GFOD1: variants seen among roughly 807,000 people sequenced by gnomAD.
The protein encoded by GFOD1 is glucose-fructose oxidoreductase domain-containing protein 1.
A neutral mutation model predicts 25.4 loss-of-function variants in GFOD1; 9 were observed. That is an observed-to-expected ratio of 0.35 (90% CI 0.21 to 0.62). The LOEUF (loss-of-function observed/expected upper bound fraction) is 0.62. GFOD1 is among the 20% of genes least tolerant of loss of function. GFOD1 has a pLI of 0.72. For synonymous variants in GFOD1, 253 were observed against 245.6 expected, an observed-to-expected ratio of 1.03 and a Z score of -0.28; for missense variants, 403 against 556.9, an observed-to-expected ratio of 0.72 and a Z score of 2.78.
At chr6:13,441,486 T>C (rs1005583104) in intron 1 of GFOD1, among the ~76,000 whole-genome samples, 2 of 152,224 alleles carry the variant, frequency 1.3e-5, no homozygotes, top group African/African-American at 4.8e-5. Flanking sequence ...ATACGTTGTG[T>C]TAAAAAATGT....
intron 1 of GFOD1, among the ~76,000 whole-genome samples, chr6:13,461,679 C>T (rs1296776235): frequency 6.6e-6 from 1 of 152,104 alleles, no homozygotes; most frequent in South Asian, 2.1e-4. Flanking sequence ...CTGGTGTGTA[C>T]CAGGGTTCAC....
At chr6:13,373,247 T>A (rs942068402) in intron 1 of GFOD1, among the ~76,000 whole-genome samples, 1 of 152,206 alleles carries the variant, frequency 6.6e-6, no homozygotes, top group Non-Finnish European at 1.5e-5. Context: ...GATTTGGGCA[T>A]GGAAGAAAGT....
At chr6:13,427,567 C>T (rs549913754) in intron 1 of GFOD1, among the ~76,000 whole-genome samples, 16 of 152,098 alleles carry the variant, frequency 1.1e-4, no homozygotes, top group Non-Finnish European at 1.5e-4. Flanking sequence ...AGGAGGATCG[C>T]GTGAGCCCAG....
At chr6:13,409,166 G>GGAAGGAAAGAAA (rs1786013750) in intron 1 of GFOD1, among the ~76,000 whole-genome samples, 1 of 8,474 alleles carries the variant, frequency 1.2e-4, no homozygotes. Context: ...AAGAAAGAAA[G>GGAAGGAAAGAAA]GAAAGAGAGA....
chr6:13,449,419 A>T lies in GFOD1; in HGVS notation c.253+37219T>A, dbSNP rs369767031. ...CAGTTCTTGCCATGAAGGGTGCGAA[A>T]ACTCTGCCTTCACAGAACAGAACTC... On this transcript the variant is annotated intron_variant, in intron 1 of 1. Coordinates refer to ENST00000379287, the MANE Select transcript of GFOD1 (RefSeq NM_018988.4). Among the ~76,000 whole-genome samples, 46 of 152,246 alleles carry T rather than the reference A, an allele frequency of 3.0e-4. No individual in the cohort carries two copies. The South Asian group carries it at 8.9e-3, about 30-fold the overall frequency.
In GFOD1 at chr6:13,402,704, T is replaced by C. The variant is rs1785870541; in HGVS notation, c.254-37042A>G. On this transcript the variant is annotated intron_variant, in intron 1 of 1. Transcript: ENST00000379287. ...AAGTGTTGGCATGGTTGTAGAATAATTGGAACCCTCAAACATTGCTCGTAA... is the reference window on the plus strand; with the variant it reads ...AAGTGTTGGCATGGTTGTAGAATAACTGGAACCCTCAAACATTGCTCGTAA... Among the ~76,000 whole-genome samples the C allele has an allele frequency of 2.0e-5, 3 of 152,202 alleles. No individual in the cohort carries two copies. The South Asian group carries it at 6.2e-4, about 32-fold the overall frequency.
chr6:13,433,454 C>T (rs1168711043), intron 1 of GFOD1, among the ~76,000 whole-genome samples: 2 of 152,170 alleles, frequency 1.3e-5, no homozygotes, highest in Non-Finnish European at 2.9e-5. Flanking sequence ...GCTGACTGTC[C>T]TGTGCATCAT....
chr6:13,472,401 T>C (rs537624517), intron 1 of GFOD1, among the ~76,000 whole-genome samples: 1 of 152,352 alleles, frequency 6.6e-6, no homozygotes, highest in South Asian at 2.1e-4. Flanking sequence ...AGGAAAATCA[T>C]AAATGGACCG....
chr6:13,416,694 C>G (rs1354509715), intron 1 of GFOD1, among the ~76,000 whole-genome samples: 1 of 152,132 alleles, frequency 6.6e-6, no homozygotes, highest in Non-Finnish European at 1.5e-5. Flanking sequence ...AAGGTTTTAA[C>G]CAAGAGAGGG....
rs1049306797 is a variant in GFOD1 at position 13,365,772 on chromosome 6, T to G, written c.254-110A>C. 4 of 864,966 alleles carry G rather than the reference T, an allele frequency of 4.6e-6. No homozygotes were observed. The African/African-American group carries it at 6.8e-5, about 15-fold the overall frequency. 53.6% of individuals were successfully genotyped at this position (864,966 alleles called of 1,614,324 possible). On this transcript the variant is annotated intron_variant, in intron 1 of 1. Coordinates refer to ENST00000379287, the MANE Select transcript of GFOD1 (RefSeq NM_018988.4). This position sits in a 1 kb window ranked among gnomAD's most constrained non-coding sequence, Gnocchi z 9.2. Reference sequence around the variant, plus strand: ...ATTAATAGAAAAAGAAGGTCAGATGTGGTGGCTCATGCCTGTTGTCCCAGC... The same window carrying G: ...ATTAATAGAAAAAGAAGGTCAGATGGGGTGGCTCATGCCTGTTGTCCCAGC...
intron 1 of GFOD1, among the ~76,000 whole-genome samples, chr6:13,446,706 G>A (rs1266391727): frequency 3.3e-5 from 5 of 152,188 alleles, no homozygotes; most frequent in African/African-American, 9.7e-5. Context: ...TACAGCAAGG[G>A]GAGCCTTGCA....
intron 1 of GFOD1, among the ~76,000 whole-genome samples, chr6:13,472,785 A>G (rs1758537432): frequency 6.6e-6 from 1 of 152,250 alleles, no homozygotes; most frequent in South Asian, 2.1e-4. Context: ...TTTGAAATAG[A>G]AAAAATGAAG....
chr6:13,433,584 T>C (rs1348985772), intron 1 of GFOD1, among the ~76,000 whole-genome samples: 1 of 152,176 alleles, frequency 6.6e-6, no homozygotes, highest in African/African-American at 2.4e-5. Flanking sequence ...TATTCCCCAG[T>C]TGAACATCAC....
chr6:13,392,624 G>A (rs555217400), intron 1 of GFOD1, among the ~76,000 whole-genome samples: 2 of 152,148 alleles, frequency 1.3e-5, no homozygotes, highest in Non-Finnish European at 2.9e-5. Context: ...GAGAGAGCCT[G>A]CAGGAGCTGG....
At chr6:13,371,321 T>G (rs1317656705) in intron 1 of GFOD1, among the ~76,000 whole-genome samples, 1 of 152,176 alleles carries the variant, frequency 6.6e-6, no homozygotes, top group South Asian at 2.1e-4. Context: ...AAGGAGGCCA[T>G]CTGCACTTTC....
chr6:13,427,315 T>A (rs1428778677), intron 1 of GFOD1, among the ~76,000 whole-genome samples: 1 of 151,986 alleles, frequency 6.6e-6, no homozygotes, highest in Non-Finnish European at 1.5e-5. Flanking sequence ...TGGGCTCAAG[T>A]GAGGTAACAG....
intron 1 of GFOD1, among the ~76,000 whole-genome samples, chr6:13,402,858 TCAAA>T (rs1785873465): frequency 6.6e-6 from 1 of 152,144 alleles, no homozygotes; most frequent in African/African-American, 2.4e-5. Flanking sequence ...AGAAAGGTAC[TCAAA>T]CAAATACTTG....
intron 1 of GFOD1, among the ~76,000 whole-genome samples, chr6:13,380,257 G>T (rs1432484696): frequency 6.6e-6 from 1 of 152,194 alleles, no homozygotes; most frequent in Admixed American, 6.5e-5. Context: ...GCTGATATCT[G>T]GTCCTGCCAG....
chr6:13,381,923 A>ACACACGCACG (rs1562199098), intron 1 of GFOD1, among the ~76,000 whole-genome samples: 1 of 137,536 alleles, frequency 7.3e-6, no homozygotes, highest in East Asian at 2.0e-4. Flanking sequence ...GCGCACACAC[A>ACACACGCACG]CACACACACA....
Sources: allele counts gnomAD v4.1 joint callset (sites outside exome capture counted in the v4.1 genomes callset), GRCh38; gene constraint gnomAD v4.1.1; non-coding constraint Gnocchi (gnomAD v3.1); transcripts MANE v1.5; gene names NCBI Gene and HGNC (gene_info 2026-07-23, HGNC 2026-07-21).